The following GRB14 variants were observed in gnomAD, a reference collection of about 807,000 sequenced individuals.
The protein encoded by GRB14 is growth factor receptor-bound protein 14.
Under a neutral mutation model 69.1 loss-of-function variants are expected in GRB14, and 38 were observed. The ratio of observed to expected loss-of-function variants is 0.55; its 90% confidence interval spans 0.42 to 0.72. GRB14 has a LOEUF of 0.72. Among genes scored for constraint, GRB14 ranks in the 30% least tolerant of loss-of-function variants. The pLI is 0.00. For synonymous variants in GRB14, 247 were observed against 241.3 expected (o/e 1.02, Z -0.22); for missense variants, 666 against 666.1 (o/e 1.00, Z 0.00).
In GRB14 at chr2:164,508,735, C is replaced by T; in HGVS notation, c.927+7G>A. ...TTTATTCATCTATCAAAATATTAAG[C>T]CTGTACCTTAAAGCAGAATCCATAG... On this transcript the variant is annotated splice_region_variant and intron_variant, in intron 7 of 13. Coordinates refer to ENST00000263915, the MANE Select transcript of GRB14 (RefSeq NM_004490.3). 6.4e-7 allele frequency: 1 copy of T among 1,573,006 alleles called. No homozygotes were observed. The highest frequency in any genetic ancestry group is 8.6e-7 in the Non-Finnish European group (1 of 1,161,754).
intron 2 of GRB14, among the ~76,000 whole-genome samples, chr2:164,548,185 C>G (rs1688435520): frequency 6.6e-6 from 1 of 152,152 alleles, no homozygotes; most frequent in Non-Finnish European, 1.5e-5. Context: ...TCCTTGGTAA[C>G]CACTGTTTTG....
At position 164,620,968 on chromosome 2, in the gene GRB14, G is replaced by A. The variant is rs1690443473; in HGVS notation, c.191+151C>T. ...TGAGATCGCAATGTCCTGCTGATCCGGTAGGAGCCAGCTCAAAGGGGATTG... is the reference window on the plus strand; with the variant it reads ...TGAGATCGCAATGTCCTGCTGATCCAGTAGGAGCCAGCTCAAAGGGGATTG... On this transcript the variant is annotated intron_variant, in intron 1 of 13. Coordinates refer to ENST00000263915, the MANE Select transcript of GRB14 (RefSeq NM_004490.3). 7.2e-6 allele frequency: 4 copies of A among 559,146 alleles called. 1 individual carries two copies. The highest frequency in any genetic ancestry group is 7.0e-5 in the East Asian group (2 of 28,536). The allele number at this position is 559,146 out of a possible 1,614,324, so 34.6% of individuals were successfully genotyped here.
chr2:164,537,952 C>T (rs1330403995), intron 3 of GRB14, among the ~76,000 whole-genome samples: 1 of 151,826 alleles, frequency 6.6e-6, no homozygotes. Flanking sequence ...ACAGGAAGTC[C>T]AACTACATGT....
At chr2:164,602,540 G>A (rs932450796) in intron 2 of GRB14, among the ~76,000 whole-genome samples, 2 of 152,130 alleles carry the variant, frequency 1.3e-5, no homozygotes, top group African/African-American at 4.8e-5. Flanking sequence ...GGATTTTATT[G>A]ATTATAAGCT....
rs1669112319 is a variant in GRB14 at position 164,521,995 on chromosome 2, A to C, written c.801T>G (p.Thr267=). 3.1e-6 allele frequency: 5 copies of C among 1,601,734 alleles called. No homozygotes were observed. Among genetic ancestry groups the C allele is most frequent in the Non-Finnish European group, 4.3e-6 (5 of 1,172,240 alleles). ...FLRRSGLYFS[T]KGTSKEPRHL... ...TTCAATTTACCTTTGATGTTCCTTT[A>C]GTAGAAAAATATAAACCAGATCTTC... is the stretch of plus-strand genomic sequence containing the variant. The change falls in exon 6 of 14, where the codon ACT becomes ACG. Residue 267 remains threonine (T), a synonymous_variant. Transcript: ENST00000263915.
At chr2:164,613,264 G>A (rs775692419) in intron 2 of GRB14, among the ~76,000 whole-genome samples, 1 of 152,186 alleles carries the variant, frequency 6.6e-6, no homozygotes, top group Non-Finnish European at 1.5e-5. Context: ...TTTGTGTCCT[G>A]TTTGAGATCT....
intron 2 of GRB14, among the ~76,000 whole-genome samples, chr2:164,579,158 C>T (rs1296046486): frequency 2.0e-5 from 3 of 151,992 alleles, no homozygotes; most frequent in Non-Finnish European, 4.4e-5. Flanking sequence ...TCTTAGAAAC[C>T]GTGACTTTAA....
At chr2:164,521,956 C>T (rs1327881510) in intron 6 of GRB14, 24 bp downstream of exon 6, 3 of 1,573,440 alleles carry the variant, frequency 1.9e-6, no homozygotes, top group African/African-American at 1.4e-5. Context: ...TCAGTCATAA[C>T]ACATCATGGA....
chr2:164,553,668 T>C (rs1400792647), intron 2 of GRB14, among the ~76,000 whole-genome samples: 1 of 152,108 alleles, frequency 6.6e-6, no homozygotes, highest in Non-Finnish European at 1.5e-5. Context: ...TTATTCCTCC[T>C]TAAAATAAAT....
chr2:164,611,262 A>C (rs1392795749), intron 2 of GRB14, among the ~76,000 whole-genome samples: 1 of 152,168 alleles, frequency 6.6e-6, no homozygotes, highest in Non-Finnish European at 1.5e-5. Context: ...TCCCTATAAC[A>C]AGTGTATGTA....
At chr2:164,576,683 C>T (rs940929129) in intron 2 of GRB14, among the ~76,000 whole-genome samples, 19 of 151,432 alleles carry the variant, frequency 1.3e-4, no homozygotes, top group African/African-American at 4.4e-4. Context: ...AATTCTCAGA[C>T]TCTAATTCAT....
chr2:164,517,656 T>C (rs1392614548), intron 6 of GRB14, among the ~76,000 whole-genome samples: 1 of 151,806 alleles, frequency 6.6e-6, no homozygotes, highest in Non-Finnish European at 1.5e-5. Flanking sequence ...AAACTTAAGG[T>C]AAAGGGGTGG....
chr2:164,494,041 A>AAAAC (rs1686828667), intron 13 of GRB14, among the ~76,000 whole-genome samples: 1 of 152,148 alleles, frequency 6.6e-6, no homozygotes, highest in African/African-American at 2.4e-5. Context: ...CATTAAAAAC[A>AAAAC]AAACAAAACA....
At chr2:164,605,795 G>A (rs1182120658) in intron 2 of GRB14, among the ~76,000 whole-genome samples, 1 of 152,092 alleles carries the variant, frequency 6.6e-6, no homozygotes, top group Non-Finnish European at 1.5e-5. Flanking sequence ...ATCTTTACTG[G>A]TAGTGATATA....
chr2:164,572,195 G>C (rs1689139590), intron 2 of GRB14, among the ~76,000 whole-genome samples: 1 of 152,088 alleles, frequency 6.6e-6, no homozygotes, highest in African/African-American at 2.4e-5. Flanking sequence ...TTTTATTATT[G>C]AAAGTAATGA....
intron 3 of GRB14, among the ~76,000 whole-genome samples, chr2:164,536,406 T>A (rs979423924): frequency 8.6e-5 from 13 of 151,832 alleles, no homozygotes; most frequent in Admixed American, 6.5e-5. Context: ...TAAAAGTTTT[T>A]AAAATTGTGT....
intron 2 of GRB14, among the ~76,000 whole-genome samples, chr2:164,554,422 C>T (rs1277019721): frequency 6.6e-6 from 1 of 152,010 alleles, no homozygotes; most frequent in African/African-American, 2.4e-5. Flanking sequence ...TCTTCCTGGA[C>T]CCTAAAGAAG....
chr2:164,520,205 T>C (rs1288804689), intron 6 of GRB14, among the ~76,000 whole-genome samples: 1 of 151,932 alleles, frequency 6.6e-6, no homozygotes, highest in African/African-American at 2.4e-5. Context: ...TAAAGCCAGA[T>C]ACTTAACAGC....
intron 9 of GRB14, among the ~76,000 whole-genome samples, chr2:164,499,048 T>C (rs1686981666): frequency 6.6e-6 from 1 of 152,134 alleles, no homozygotes; most frequent in South Asian, 2.1e-4. Flanking sequence ...TCAGATATAC[T>C]TGTGCTTTGC....
Sources: gnomAD v4.1 joint callset for allele counts (sites outside exome capture counted in the v4.1 genomes callset) on GRCh38, gnomAD v4.1.1 for gene constraint, MANE v1.5 for transcripts, NCBI Gene and HGNC (gene_info 2026-07-23, HGNC 2026-07-21) for gene names.